SCLT1: variants seen among roughly 807,000 people sequenced by gnomAD.
The protein encoded by SCLT1 is sodium channel and clathrin linker 1.
In SCLT1, 78 loss-of-function variants were observed where a neutral mutation model predicts 112.8. That is an observed-to-expected ratio of 0.69 (90% CI 0.58 to 0.83). The LOEUF (loss-of-function observed/expected upper bound fraction) is 0.83. SCLT1 is among the 40% of genes least tolerant of loss of function. The probability of loss-of-function intolerance (pLI) is 0.00; values close to 1 mark genes in which losing one functional copy is unlikely to be tolerated. For synonymous variants in SCLT1, 257 were observed against 254.7 expected, an observed-to-expected ratio of 1.01 and a Z score of -0.09; for missense variants, 747 against 770.4, an observed-to-expected ratio of 0.97 and a Z score of 0.36.
intron 4 of SCLT1, 127 bp downstream of exon 4, chr4:129,043,268 C>T (rs1747873037): frequency 1.6e-6 from 1 of 637,946 alleles, no homozygotes; most frequent in African/African-American, 1.9e-5. Flanking sequence ...TTACATAGGG[C>T]CACCAATTGG....
chr4:128,895,703 G>A (rs1275184527), intron 18 of SCLT1, among the ~76,000 whole-genome samples: 1 of 152,220 alleles, frequency 6.6e-6, no homozygotes, highest in East Asian at 1.9e-4. Flanking sequence ...GACAGTGGGT[G>A]CAGCGCACCT....
intron 6 of SCLT1, among the ~76,000 whole-genome samples, chr4:129,002,464 C>A (rs944745244): frequency 6.6e-6 from 1 of 151,814 alleles, no homozygotes; most frequent in African/African-American, 2.4e-5. Flanking sequence ...TCTTAATATT[C>A]TGAAAACAAT....
At chr4:129,028,311 A>G (rs570885243) in intron 5 of SCLT1, among the ~76,000 whole-genome samples, 16 of 151,308 alleles carry the variant, frequency 1.1e-4, no homozygotes, top group African/African-American at 3.9e-4. Flanking sequence ...ACAGCATGGT[A>G]CTGGTACCAA....
intron 2 of SCLT1, among the ~76,000 whole-genome samples, chr4:129,076,235 C>T (rs1312507387): frequency 6.6e-6 from 1 of 152,110 alleles, no homozygotes; most frequent in Non-Finnish European, 1.5e-5. Flanking sequence ...CCAGAGCTTA[C>T]CTAGCATAGG....
At chr4:128,898,350 G>C (rs1178858086) in intron 18 of SCLT1, among the ~76,000 whole-genome samples, 4 of 152,180 alleles carry the variant, frequency 2.6e-5, no homozygotes, top group Non-Finnish European at 5.9e-5. Flanking sequence ...AATCAAACTA[G>C]AGCTCACGAT....
chr4:128,976,422 T>G (rs186023144), intron 9 of SCLT1, among the ~76,000 whole-genome samples: 4 of 152,346 alleles, frequency 2.6e-5, no homozygotes, highest in African/African-American at 9.6e-5. Context: ...CAGAAAATAT[T>G]AATTCATAAT....
Position 129,065,737 on chromosome 4 carries a change from G to C in SCLT1, c.102+16569C>G, listed in dbSNP as rs191505988. Among the ~76,000 whole-genome samples the C allele has an allele frequency of 3.3e-5, 5 of 152,148 alleles. No homozygotes were observed. The East Asian group carries it at 7.7e-4, about 23-fold the overall frequency. The stretch of plus-strand genomic sequence containing the variant: ...TCAGGAAATAAGTAAAAGGCTCAAA[G>C]CACCAATATCCTGCAAGAGTGTACT... On this transcript the variant is annotated intron_variant, in intron 2 of 20. Transcript: ENST00000281142.
intron 18 of SCLT1, among the ~76,000 whole-genome samples, chr4:128,907,438 G>A (rs1292920620): frequency 1.3e-5 from 2 of 152,132 alleles, no homozygotes; most frequent in African/African-American, 4.8e-5. Flanking sequence ...AGTAACACTG[G>A]GGTTTGGGTT....
chr4:128,908,674 A>G (rs1050374328), intron 18 of SCLT1, among the ~76,000 whole-genome samples: 4 of 152,260 alleles, frequency 2.6e-5, no homozygotes, highest in Non-Finnish European at 4.4e-5. Flanking sequence ...TGCAGCAGAG[A>G]CAACAGTGTT....
chr4:129,034,570 CTATATA>C (rs71589021), intron 5 of SCLT1, among the ~76,000 whole-genome samples: 1 of 143,960 alleles, frequency 6.9e-6, no homozygotes, highest in African/African-American at 2.6e-5. Flanking sequence ...TGTTCTAAAG[CTATATA>C]TATATATATA....
chr4:129,055,583 C>G (rs527411768), intron 2 of SCLT1, among the ~76,000 whole-genome samples: 4 of 152,132 alleles, frequency 2.6e-5, no homozygotes, highest in Non-Finnish European at 5.9e-5. Context: ...GACGGGAAAA[C>G]TGCCTACTCA....
At chr4:129,005,930 A>C (rs1169690834) in intron 5 of SCLT1, among the ~76,000 whole-genome samples, 1 of 148,904 alleles carries the variant, frequency 6.7e-6, no homozygotes, top group East Asian at 2.0e-4. Context: ...AAAACCAAAC[A>C]CCGCATATTC....
intron 2 of SCLT1, among the ~76,000 whole-genome samples, chr4:129,048,502 G>A (rs1305517582): frequency 1.3e-5 from 2 of 149,156 alleles, no homozygotes; most frequent in Non-Finnish European, 3.0e-5. Flanking sequence ...AGACTTAAAT[G>A]TTAGACCTAA....
chr4:129,039,004 A>G (rs1264154624), intron 5 of SCLT1, 37 bp downstream of exon 5: 5 of 1,223,824 alleles, frequency 4.1e-6, no homozygotes, highest in Non-Finnish European at 6.0e-6. Flanking sequence ...TACCTAAGAC[A>G]ATAATAAAAG....
chr4:129,090,522 C>A (rs553514493), intron 1 of SCLT1, among the ~76,000 whole-genome samples: 1 of 152,284 alleles, frequency 6.6e-6, no homozygotes, highest in African/African-American at 2.4e-5. Flanking sequence ...TAGAAGAAAT[C>A]TTTGCAGCCT....
intron 7 of SCLT1, among the ~76,000 whole-genome samples, chr4:128,998,936 A>T (rs190173309): frequency 2.6e-5 from 4 of 151,960 alleles, no homozygotes; most frequent in Non-Finnish European, 5.9e-5. Context: ...CTCAAAATAC[A>T]TAGAAAAGAG....
In SCLT1 at chr4:128,888,664, G is replaced by A. The variant is rs758822949; in HGVS notation, c.2004+15C>T. The A allele has an allele frequency of 5.3e-5, 80 of 1,503,642 alleles. No homozygotes were observed. Among genetic ancestry groups the A allele is most frequent in the Non-Finnish European group, 7.2e-5 (78 of 1,083,436 alleles). 93.1% of individuals were successfully genotyped at this position (1,503,642 alleles called of 1,614,324 possible). On this transcript the variant is annotated intron_variant, in intron 20 of 20. Coordinates refer to ENST00000281142, the MANE Select transcript of SCLT1 (RefSeq NM_144643.4). ...TGAACTGTTTATTATCTAGGGATAA[G>A]AGGATGCTCCCTACCTGCTGGGAAG...
At chr4:128,897,328 G>C in intron 18 of SCLT1, among the ~76,000 whole-genome samples, 1 of 151,982 alleles carries the variant, frequency 6.6e-6, no homozygotes, top group African/African-American at 2.4e-5. Flanking sequence ...TGATCTCTCG[G>C]CAGAAACTCT....
chr4:128,966,709 C>CTCATTTT (rs1740226394), intron 10 of SCLT1, among the ~76,000 whole-genome samples: 1 of 152,172 alleles, frequency 6.6e-6, no homozygotes, highest in Non-Finnish European at 1.5e-5. Flanking sequence ...GACAAACTCT[C>CTCATTTT]TCATTTTTGG....
Sources: allele counts gnomAD v4.1 joint callset (sites outside exome capture counted in the v4.1 genomes callset), GRCh38; gene constraint gnomAD v4.1.1; transcripts MANE v1.5; gene names NCBI Gene and HGNC (gene_info 2026-07-23, HGNC 2026-07-21).